PTPN2: variants seen among roughly 807,000 people sequenced by gnomAD.
PTPN2 encodes tyrosine-protein phosphatase non-receptor type 2.
A neutral mutation model predicts 57.3 loss-of-function variants in PTPN2; 19 were observed. The ratio of observed to expected loss-of-function variants is 0.33; its 90% CI spans 0.23 to 0.49. PTPN2 has a LOEUF of 0.49. Among genes scored for constraint, PTPN2 ranks in the 20% least tolerant of loss-of-function variants. PTPN2 has a pLI of 0.99. For synonymous variants in PTPN2, 153 were observed against 164.9 expected, an observed-to-expected ratio of 0.93 and a Z score of 0.55; for missense variants, 358 against 501.1, an observed-to-expected ratio of 0.71 and a Z score of 2.73.
At chr18:12,856,748 C>G (rs1025474428) in intron 2 of PTPN2, among the ~76,000 whole-genome samples, 1 of 152,086 alleles carries the variant, frequency 6.6e-6, no homozygotes, top group South Asian at 2.1e-4. Context: ...TAAAATAAAA[C>G]ATCTCAATTC....
downstream of PTPN2, chr18:12,787,309 A>C (rs989817917): frequency 6.6e-6 from 1 of 152,250 alleles, no homozygotes; most frequent in African/African-American, 2.4e-5. Flanking sequence ...AGTTACTGGA[A>C]GTCTACAGAC....
chr18:12,853,872 G>A (rs1351712210), intron 2 of PTPN2, among the ~76,000 whole-genome samples: 1 of 152,124 alleles, frequency 6.6e-6, no homozygotes, highest in Non-Finnish European at 1.5e-5. Context: ...TAAAAATTGT[G>A]CAGCACTATT....
chr18:12,816,620 G>A (rs1813669225), intron 6 of PTPN2, among the ~76,000 whole-genome samples: 1 of 152,162 alleles, frequency 6.6e-6, no homozygotes, highest in Non-Finnish European at 1.5e-5. Flanking sequence ...GGGAATGACT[G>A]GTGGAGAAAG....
intron 2 of PTPN2, chr18:12,841,010 T>G: frequency 7.2e-7 from 1 of 1,397,400 alleles, no homozygotes; most frequent in Non-Finnish European, 9.4e-7. Flanking sequence ...TATTTTAACC[T>G]ATAGGGATCT....
At chr18:12,859,423 C>T (rs117614942) in intron 1 of PTPN2, among the ~76,000 whole-genome samples, 169 bp from the exon 2 acceptor site, 4 of 152,144 alleles carry the variant, frequency 2.6e-5, no homozygotes, top group African/African-American at 7.2e-5. Context: ...CTAATGGAAA[C>T]GATTTTCTTC....
intron 1 of PTPN2, among the ~76,000 whole-genome samples, chr18:12,868,230 T>A (rs1218294524): frequency 6.6e-6 from 1 of 152,098 alleles, no homozygotes; most frequent in Non-Finnish European, 1.5e-5. Flanking sequence ...TTATTTGTCA[T>A]AGTTGTTGTT....
intron 1 of PTPN2, 150 bp from the exon 2 acceptor site, chr18:12,859,404 C>T (rs945985018): frequency 1.1e-5 from 6 of 548,596 alleles, no homozygotes; most frequent in Non-Finnish European, 1.9e-5. Context: ...TCATTTAATC[C>T]TCACAATACT....
rs759832705 is a variant in PTPN2 at position 12,859,181 on chromosome 18, T to A, written c.143A>T (p.Tyr48Phe). Reference protein sequence around the residue: ...KFPENRNRNRYRDVSPYDHSR... With the variant: ...KFPENRNRNRFRDVSPYDHSR... ...GTACTTACATGGGCTTACATCTCTG[T>A]ATCTGTTTCGATTTCTGTTTTCTGG... Residue 48 changes from tyrosine (Y) to phenylalanine (F), a missense_variant, in exon 2 of 9, where the codon TAC becomes TTC. By Grantham distance (22) the Tyr-to-Phe change is conservative. This residue lies in a region of PTPN2 where 193 missense variants were observed against 315.4 expected (regional missense o/e 0.61). Coordinates refer to ENST00000309660, the MANE Select transcript of PTPN2 (RefSeq NM_002828.4). 3.1e-6 allele frequency: 5 copies of A among 1,612,994 alleles called. No individual in the cohort carries two copies. Among genetic ancestry groups the A allele is most frequent in the Non-Finnish European group, 1.7e-6 (2 of 1,179,046 alleles).
intron 1 of PTPN2, 67 bp downstream of exon 1, chr18:12,884,006 C>A: frequency 7.1e-7 from 1 of 1,400,930 alleles, no homozygotes; most frequent in Non-Finnish European, 9.7e-7. Flanking sequence ...GGGAGGGACC[C>A]TGCGGACAGG....
chr18:12,795,121 G>A (rs2041123443), intron 8 of PTPN2, among the ~76,000 whole-genome samples: 1 of 152,178 alleles, frequency 6.6e-6, no homozygotes, highest in African/African-American at 2.4e-5. Flanking sequence ...AGACAAGGGG[G>A]TACCACTTGC....
downstream of PTPN2, among the ~76,000 whole-genome samples, chr18:12,789,915 C>CAG (rs1355738518): frequency 6.7e-6 from 1 of 149,530 alleles, no homozygotes; most frequent in South Asian, 2.1e-4. Flanking sequence ...TTATGAGAGA[C>CAG]AGAGAGAGAG....
Position 12,793,859 on chromosome 18 carries a change from T to G in PTPN2, c.*419A>C. 9.7e-7 allele frequency: 1 copy of G among 1,031,602 alleles called. No homozygotes were observed. The highest frequency in any genetic ancestry group is 1.2e-6 in the Non-Finnish European group (1 of 853,564). 63.9% of individuals were successfully genotyped at this position (1,031,602 alleles called of 1,614,324 possible). A position where few individuals can be genotyped will look rare whatever the true frequency, so the allele number is the denominator to read the frequency against. ...AGTACATTATACATTACACACATTA[T>G]TTAAATGTCATTTTCTTTCCAATAA... On this transcript the variant is annotated 3_prime_UTR_variant, in exon 9 of 9. Coordinates refer to ENST00000309660, the MANE Select transcript of PTPN2 (RefSeq NM_002828.4).
chr18:12,838,711 C>A (rs2042951588), intron 2 of PTPN2, among the ~76,000 whole-genome samples: 1 of 151,956 alleles, frequency 6.6e-6, no homozygotes, highest in Non-Finnish European at 1.5e-5. Flanking sequence ...ATTTTGTTAT[C>A]AGATAATACT....
rs2041055020 is a variant in PTPN2 at position 12,793,697 on chromosome 18, A to G, written c.*581T>C. The G allele has an allele frequency of 2.0e-6, 2 of 982,036 alleles. No individual in the cohort carries two copies. The highest frequency in any genetic ancestry group is 2.4e-6 in the Non-Finnish European group (2 of 826,204). 60.8% of individuals were successfully genotyped at this position (982,036 alleles called of 1,614,324 possible). A position where few individuals can be genotyped will look rare whatever the true frequency, so the allele number is the denominator to read the frequency against. ...ATCCAGTACAATTCAATCGACATAC[A>G]ATTTATTTTTTTAGTAACAGATTTT... On this transcript the variant is annotated 3_prime_UTR_variant, in exon 9 of 9. Transcript: ENST00000309660.
rs1232148725 is a variant in PTPN2 at position 12,870,509 on chromosome 18, TG to T, written c.70-11256del. Among the ~76,000 whole-genome samples the T allele has an allele frequency of 3.0e-3, 202 of 68,028 alleles. 11 individuals carry two copies. In the South Asian group the frequency reaches 0.05, roughly 17 times the overall value. The allele number at this position is 68,028 out of a possible 152,430, so 44.6% of individuals were successfully genotyped here. On this transcript the variant is annotated intron_variant, in intron 1 of 8. Transcript: ENST00000309660. ...GAGAGAGAGAGAGAGAAAAGCGTGT[TG>T]TTTTTTTTTTTTTTTTGAGACAGAG...
chr18:12,801,571 A>AT (rs1467659408), intron 8 of PTPN2, among the ~76,000 whole-genome samples: 1 of 151,988 alleles, frequency 6.6e-6, no homozygotes, highest in Non-Finnish European at 1.5e-5. Flanking sequence ...TTATTTATTT[A>AT]TTATTATTAT....
Position 12,836,670 on chromosome 18 carries a change from A to C in PTPN2, c.261+121T>G, listed in dbSNP as rs536621242. The C allele has an allele frequency of 6.3e-6, 4 of 636,912 alleles. No homozygotes were observed. In the African/African-American group the frequency reaches 7.4e-5, roughly 12 times the overall value. 39.5% of individuals were successfully genotyped at this position (636,912 alleles called of 1,614,324 possible). On this transcript the variant is annotated intron_variant, in intron 3 of 8. Coordinates refer to ENST00000309660, the MANE Select transcript of PTPN2 (RefSeq NM_002828.4). ...GTCCATAATTCATTACATCGTCAGA[A>C]AAAAACTGAAATACCATTTCATTTC...
At chr18:12,798,850 T>C (rs1309226684) in intron 8 of PTPN2, among the ~76,000 whole-genome samples, 1 of 152,210 alleles carries the variant, frequency 6.6e-6, no homozygotes, top group Admixed American at 6.5e-5. Flanking sequence ...TCCACAATAG[T>C]TGAACTAATT....
At chr18:12,829,501 C>T (rs1239636175) in intron 4 of PTPN2, among the ~76,000 whole-genome samples, 1 of 43,210 alleles carries the variant, frequency 2.3e-5, no homozygotes, top group Admixed American at 3.2e-4. Flanking sequence ...GAGACTCTGT[C>T]TCCAAAAAAA....
Sources: allele counts gnomAD v4.1 joint callset (sites outside exome capture counted in the v4.1 genomes callset), GRCh38; gene constraint gnomAD v4.1.1; regional missense constraint gnomAD v4.1.1; transcripts MANE v1.5; gene names NCBI Gene and HGNC (gene_info 2026-07-23, HGNC 2026-07-21).